The following PELI2 variants were observed in gnomAD, a reference collection of about 807,000 sequenced individuals.
PELI2 encodes E3 ubiquitin-protein ligase pellino homolog 2.
In PELI2, 23 loss-of-function variants were observed where a neutral mutation model predicts 42.3. That is an observed-to-expected ratio of 0.54 (90% CI 0.39 to 0.77). The LOEUF (loss-of-function observed/expected upper bound fraction) is 0.77. Among genes scored for constraint, PELI2 ranks in the 30% least tolerant of loss-of-function variants. The pLI is 0.00. For synonymous variants in PELI2, 245 were observed against 212.2 expected (o/e 1.15, Z -1.34); for missense variants, 463 against 553.2 (o/e 0.84, Z 1.64).
chr14:56,231,703 A>G (rs1199019973), intron 2 of PELI2, among the ~76,000 whole-genome samples: 1 of 152,232 alleles, frequency 6.6e-6, no homozygotes, highest in Non-Finnish European at 1.5e-5. Context: ...GAAGAACTAG[A>G]GAAGCAAAAG....
At chr14:56,121,239 T>G (rs1169056689) in intron 1 of PELI2, among the ~76,000 whole-genome samples, 1 of 119,344 alleles carries the variant, frequency 8.4e-6, no homozygotes, top group Non-Finnish European at 1.8e-5. Context: ...AATTCAGTGC[T>G]TTTTTTTTTT....
rs242390 is a variant in PELI2, at chr14:56,180,091, T to G, written c.207+1627T>G. On this transcript the variant is annotated intron_variant, in intron 2 of 5. Coordinates refer to ENST00000267460, the MANE Select transcript of PELI2 (RefSeq NM_021255.3). The surrounding 1 kb of genome is among the most constrained non-coding windows in gnomAD (Gnocchi z 4.4). ...ATACCTAGATTTTACTTCCAAGTTA[T>G]TTAGATTATTAATCTTTTGATAATT... Among the ~76,000 whole-genome samples the G allele has an allele frequency of 0.17, 25,658 of 152,092 alleles. 2,752 individuals carry two copies. Among genetic ancestry groups the G allele is most frequent in the East Asian group, 0.54 (2,760 of 5,158 alleles).
At chr14:56,293,205 C>G (rs183613811) in intron 5 of PELI2, among the ~76,000 whole-genome samples, 92 of 152,216 alleles carry the variant, frequency 6.0e-4, no homozygotes, top group African/African-American at 2.1e-3. Flanking sequence ...AATTCACTAC[C>G]CTGTGCTTAG....
At chr14:56,155,449 C>G (rs78540049) in intron 1 of PELI2, among the ~76,000 whole-genome samples, 1 of 152,208 alleles carries the variant, frequency 6.6e-6, no homozygotes, top group South Asian at 2.1e-4. Flanking sequence ...CTAGCACAAT[C>G]GATTAGATGA....
At chr14:56,155,300 G>A (rs1884514697) in intron 1 of PELI2, among the ~76,000 whole-genome samples, 2 of 151,700 alleles carry the variant, frequency 1.3e-5, no homozygotes, top group Admixed American at 1.3e-4. Flanking sequence ...CCTGATTCAG[G>A]GATAAGATGA....
intron 1 of PELI2, among the ~76,000 whole-genome samples, chr14:56,176,854 C>A (rs528879902): frequency 9.8e-5 from 15 of 152,314 alleles, no homozygotes; most frequent in African/African-American, 3.6e-4. Flanking sequence ...AAGTTGTTTA[C>A]AATCCTGGCT....
chr14:56,188,295 T>G (rs3844020), intron 2 of PELI2, among the ~76,000 whole-genome samples: 108,980 of 152,050 alleles, frequency 0.72, 39,326 homozygotes, highest in African/African-American at 0.79. Context: ...GACAGTCACT[T>G]GTTCTAATGG....
At chr14:56,154,076 A>G (rs1182115627) in intron 1 of PELI2, among the ~76,000 whole-genome samples, 1 of 152,244 alleles carries the variant, frequency 6.6e-6, no homozygotes. Context: ...AAAAATATAA[A>G]TAATTAAATT....
intron 5 of PELI2, among the ~76,000 whole-genome samples, chr14:56,294,541 A>G (rs912562805): frequency 6.6e-6 from 1 of 152,160 alleles, no homozygotes; most frequent in Admixed American, 6.5e-5. Flanking sequence ...AGATTGACAA[A>G]ATTTCTGGTG....
At chr14:56,256,099 C>T (rs1346169071) in intron 2 of PELI2, among the ~76,000 whole-genome samples, 1 of 152,104 alleles carries the variant, frequency 6.6e-6, no homozygotes, top group Non-Finnish European at 1.5e-5. Flanking sequence ...CATCGGTGCT[C>T]ATGATGGAGT....
intron 2 of PELI2, among the ~76,000 whole-genome samples, chr14:56,191,469 G>C (rs578173839): frequency 6.6e-6 from 1 of 152,196 alleles, no homozygotes; most frequent in East Asian, 1.9e-4. Context: ...CAGTGATACC[G>C]GGTGGAGTCC....
chr14:56,179,250 G>C (rs150925054), intron 2 of PELI2, among the ~76,000 whole-genome samples: 223 of 151,970 alleles, frequency 1.5e-3, no homozygotes, highest in African/African-American at 5.2e-3. Context: ...ATTTCATACG[G>C]GGCTACTGGC....
chr14:56,135,442 C>T (rs1004906600), intron 1 of PELI2, among the ~76,000 whole-genome samples: 1 of 152,118 alleles, frequency 6.6e-6, no homozygotes, highest in Admixed American at 6.5e-5. Flanking sequence ...AAAAATGATG[C>T]AGAAATTGCA....
intron 3 of PELI2, among the ~76,000 whole-genome samples, chr14:56,285,346 TGTCA>T (rs1594714971): frequency 6.6e-6 from 1 of 152,156 alleles, no homozygotes. Context: ...GCAAATTGGA[TGTCA>T]GTCAGTCATT....
At chr14:56,121,912 T>G (rs1166225108) in intron 1 of PELI2, among the ~76,000 whole-genome samples, 3 of 152,238 alleles carry the variant, frequency 2.0e-5, no homozygotes, top group East Asian at 3.8e-4. Flanking sequence ...ATGCTGTGGT[T>G]GTTTTTTATG....
At chr14:56,193,341 G>C (rs1886017349) in intron 2 of PELI2, among the ~76,000 whole-genome samples, 1 of 152,078 alleles carries the variant, frequency 6.6e-6, no homozygotes, top group African/African-American at 2.4e-5. Flanking sequence ...CCTCCTCCTT[G>C]AATTTAACCC....
chr14:56,174,811 A>G (rs559249136), intron 1 of PELI2, among the ~76,000 whole-genome samples: 22 of 152,260 alleles, frequency 1.4e-4, no homozygotes, highest in African/African-American at 5.3e-4. Flanking sequence ...TCTTTACAGC[A>G]GTGTGAGAAT....
intron 2 of PELI2, among the ~76,000 whole-genome samples, chr14:56,274,172 G>T (rs372873802): frequency 6.8e-6 from 1 of 147,252 alleles, no homozygotes; most frequent in Non-Finnish European, 1.5e-5. Context: ...AGGCTTTTTC[G>T]CAGGAAGCCA....
chr14:56,151,200 T>C (rs1490213004), intron 1 of PELI2, among the ~76,000 whole-genome samples: 6 of 152,246 alleles, frequency 3.9e-5, no homozygotes, highest in Non-Finnish European at 2.9e-5. Flanking sequence ...TGCAGGGGTT[T>C]AATGCCACGT....
Sources: gnomAD v4.1 joint callset for allele counts (sites outside exome capture counted in the v4.1 genomes callset) on GRCh38, gnomAD v4.1.1 for gene constraint, Gnocchi (gnomAD v3.1) non-coding constraint, MANE v1.5 for transcripts, NCBI Gene and HGNC (gene_info 2026-07-23, HGNC 2026-07-21) for gene names.